The following FAR2 variants were observed in gnomAD, a reference collection of about 807,000 sequenced individuals.
FAR2 encodes fatty acyl-CoA reductase 2, also known as epididymis secretory protein Li 81.
A neutral mutation model predicts 56.0 loss-of-function variants in FAR2; 19 were observed. The ratio of observed to expected loss-of-function variants is 0.34; its 90% confidence interval spans 0.24 to 0.50. The LOEUF (loss-of-function observed/expected upper bound fraction) is 0.50. Among genes scored for constraint, FAR2 ranks in the 20% least tolerant of loss-of-function variants. FAR2 has a pLI of 0.98. For synonymous variants in FAR2, 219 were observed against 218.8 expected (o/e 1.00, Z -0.01); for missense variants, 508 against 642.2 (o/e 0.79, Z 2.26).
chr12:29,183,090 C>T (rs1365660035), intron 1 of FAR2, among the ~76,000 whole-genome samples: 1 of 152,136 alleles, frequency 6.6e-6, no homozygotes, highest in East Asian at 1.9e-4. Flanking sequence ...TTCCAGTCCT[C>T]ATTAAAGCGG....
At chr12:29,269,850 A>C (rs560465287) in intron 1 of FAR2, among the ~76,000 whole-genome samples, 1 of 152,322 alleles carries the variant, frequency 6.6e-6, no homozygotes, top group African/African-American at 2.4e-5. Context: ...TAGCTGTTCT[A>C]AGCTTTGGTT....
intron 1 of FAR2, among the ~76,000 whole-genome samples, chr12:29,226,820 C>A (rs568336246): frequency 8.5e-5 from 13 of 152,068 alleles, no homozygotes; most frequent in Non-Finnish European, 1.9e-4. Flanking sequence ...CCAATGTTTA[C>A]CAATGTGTTA....
At chr12:29,165,321 A>G (rs1348997107) in intron 1 of FAR2, among the ~76,000 whole-genome samples, 1 of 152,226 alleles carries the variant, frequency 6.6e-6, no homozygotes, top group African/African-American at 2.4e-5. Context: ...ATTACAAATT[A>G]TGGCTGATTA....
chr12:29,292,039 G>C (rs1218716066), intron 2 of FAR2, among the ~76,000 whole-genome samples: 1 of 152,052 alleles, frequency 6.6e-6, no homozygotes, highest in African/African-American at 2.4e-5. Context: ...AACACAGATT[G>C]GAACATTATT....
intron 1 of FAR2, among the ~76,000 whole-genome samples, chr12:29,249,542 T>A (rs1948176301): frequency 6.6e-6 from 1 of 152,178 alleles, no homozygotes; most frequent in Admixed American, 6.5e-5. Context: ...TTCTAATACA[T>A]GTATTGTTAT....
At chr12:29,211,373 C>G (rs572525976) in intron 1 of FAR2, among the ~76,000 whole-genome samples, 1 of 152,180 alleles carries the variant, frequency 6.6e-6, no homozygotes, top group African/African-American at 2.4e-5. Context: ...TCCTCCTAGC[C>G]TCTTTCTAAG....
At chr12:29,230,594 C>CA (rs1401255626) in intron 1 of FAR2, among the ~76,000 whole-genome samples, 2 of 151,896 alleles carry the variant, frequency 1.3e-5, no homozygotes, top group Admixed American at 6.6e-5. Flanking sequence ...GTGAGGGCAG[C>CA]AAGAAACACT....
chr12:29,253,279 C>CTATATCTATCTA (rs1565489425), intron 1 of FAR2, among the ~76,000 whole-genome samples: 3,224 of 22,450 alleles, frequency 0.14, 523 homozygotes, highest in East Asian at 0.29. Context: ...ATCTATATAT[C>CTATATCTATCTA]GATATCTATA....
At chr12:29,292,166 A>G (rs1948979498) in intron 2 of FAR2, 1 of 152,202 alleles carries the variant, frequency 6.6e-6, no homozygotes, top group African/African-American at 2.4e-5. Context: ...TCTGTCTTTT[A>G]AAGTCATAAA....
intron 10 of FAR2, among the ~76,000 whole-genome samples, chr12:29,327,774 C>T (rs1299694985): frequency 6.6e-6 from 1 of 152,124 alleles, no homozygotes; most frequent in Non-Finnish European, 1.5e-5. Flanking sequence ...TAAAGACTTA[C>T]ACGTTAGACC....
intron 2 of FAR2, among the ~76,000 whole-genome samples, chr12:29,290,767 C>T (rs1158607211): frequency 6.6e-6 from 1 of 152,120 alleles, no homozygotes; most frequent in Non-Finnish European, 1.5e-5. Flanking sequence ...ACAAACATTG[C>T]ATGTTTTCAC....
intron 1 of FAR2, among the ~76,000 whole-genome samples, chr12:29,194,356 G>T (rs1257063124): frequency 6.6e-6 from 1 of 152,098 alleles, no homozygotes. Flanking sequence ...GTGAAAAATT[G>T]ATGTTTAAGC....
chr12:29,223,734 C>A (rs1565477598), intron 1 of FAR2: 1 of 152,134 alleles, frequency 6.6e-6, no homozygotes, highest in Non-Finnish European at 1.5e-5. Context: ...TGTGATGAAC[C>A]ATTCTTCTGA....
chr12:29,256,380 G>A (rs1372021310), intron 1 of FAR2, among the ~76,000 whole-genome samples: 1 of 152,078 alleles, frequency 6.6e-6, no homozygotes, highest in East Asian at 1.9e-4. Flanking sequence ...TAGAGACGGG[G>A]TCTCACTATA....
intron 1 of FAR2, among the ~76,000 whole-genome samples, chr12:29,225,155 G>C (rs559043316): frequency 6.6e-6 from 1 of 152,148 alleles, no homozygotes; most frequent in Non-Finnish European, 1.5e-5. Flanking sequence ...AGGATCACTT[G>C]AGCCTGGGAG....
chr12:29,286,655 C>A (rs7964831), intron 2 of FAR2, among the ~76,000 whole-genome samples: 100,605 of 152,042 alleles, frequency 0.66, 34,327 homozygotes, highest in African/African-American at 0.83. Flanking sequence ...AAAACATAAC[C>A]AGATGATGAA....
chr12:29,186,406 T>C (rs7316695), intron 1 of FAR2, among the ~76,000 whole-genome samples: 27,242 of 152,196 alleles, frequency 0.18, 2,549 homozygotes, highest in Non-Finnish European at 0.21. Flanking sequence ...AGACAGGAGA[T>C]TGGTCTGATA....
chr12:29,163,775 G>A (rs1311219870), intron 1 of FAR2, among the ~76,000 whole-genome samples: 1 of 152,214 alleles, frequency 6.6e-6, no homozygotes, highest in Non-Finnish European at 1.5e-5. Context: ...GAATTTTTAG[G>A]TTGGAAGAAA....
chr12:29,296,749 A>G (rs559852003), intron 3 of FAR2, among the ~76,000 whole-genome samples: 25 of 152,284 alleles, frequency 1.6e-4, no homozygotes, highest in Non-Finnish European at 3.4e-4. Context: ...GAGTATTGTA[A>G]TTCTTTTTCC....
Sources: allele counts gnomAD v4.1 joint callset (sites outside exome capture counted in the v4.1 genomes callset), GRCh38; gene constraint gnomAD v4.1.1; transcripts MANE v1.5; gene names NCBI Gene and HGNC (gene_info 2026-07-23, HGNC 2026-07-21).